Variants in KIF7 observed in about 807,000 individuals in gnomAD.
KIF7 encodes kinesin family member 7.
A neutral mutation model predicts 135.7 loss-of-function variants in KIF7; 104 were observed. The observed-to-expected ratio is 0.77, with a 90% CI of 0.65 to 0.90. The LOEUF (loss-of-function observed/expected upper bound fraction) is 0.90. KIF7 is among the 40% of genes least tolerant of loss of function. The pLI, the probability that KIF7 is intolerant of heterozygous loss-of-function variation, is 0.00. For synonymous variants in KIF7, 883 were observed against 809.4 expected (o/e 1.09, Z -1.54); for missense variants, 2,005 against 1,839.1 (o/e 1.09, Z -1.65).
intron 11 of KIF7, among the ~76,000 whole-genome samples, chr15:89,636,459 G>A (rs1445343819): frequency 5.0e-5 from 6 of 119,712 alleles, no homozygotes; most frequent in African/African-American, 1.7e-4. Context: ...ACACACATAG[G>A]CTCAAAATAA....
intron 15 of KIF7, chr15:89,630,701 G>T: frequency 1.6e-6 from 1 of 617,382 alleles, no homozygotes; most frequent in Admixed American, 2.6e-5. Context: ...CTCAGAGGTG[G>T]CCTGCTCAAC....
At chr15:89,617,769 G>A (rs1963359022) in intron 2 of KIF7, among the ~76,000 whole-genome samples, 1 of 148,120 alleles carries the variant, frequency 6.8e-6, no homozygotes, top group Non-Finnish European at 1.5e-5. Context: ...CTGGCTCACT[G>A]CAACGTCTGC....
intron 15 of KIF7, 92 bp from the exon 16 acceptor site, chr15:89,630,585 C>T (rs982551157): frequency 3.3e-5 from 37 of 1,121,898 alleles, no homozygotes; most frequent in Non-Finnish European, 4.7e-5. Flanking sequence ...GTAGCCACAA[C>T]TGGGCCTTAA....
Position 89,632,745 on chromosome 15 carries a change from C to G in KIF7, c.2895+75G>C. On this transcript the variant is annotated intron_variant, in intron 14 of 18. Transcript: ENST00000394412. ...AGAAACTTACTTGGCAGGAGCTCAC[C>G]TGGCAAGATCTGTCCTGGCTGGACC... is the stretch of plus-strand genomic sequence containing the variant. 4.0e-6 allele frequency: 6 copies of G among 1,508,052 alleles called. No homozygotes were observed. In the South Asian group the frequency reaches 7.1e-5, roughly 18 times the overall value. The allele number at this position is 1,508,052 out of a possible 1,614,324, so 93.4% of individuals were successfully genotyped here. A position where few individuals can be genotyped will look rare whatever the true frequency, so the allele number is the denominator to read the frequency against.
intron 7 of KIF7, 135 bp from the exon 8 acceptor site, chr15:89,646,161 G>T: frequency 8.7e-7 from 1 of 1,147,690 alleles, no homozygotes; most frequent in Non-Finnish European, 1.3e-6. Context: ...CCCTCTGGCA[G>T]CCTTCTGAAT....
chr15:89,648,905 C>A, intron 4 of KIF7, 69 bp downstream of exon 4: 9 of 1,467,080 alleles, frequency 6.1e-6, no homozygotes, highest in Non-Finnish European at 6.3e-6. Flanking sequence ...GCTTCCACCC[C>A]CACTGGTGTG....
At chr15:89,617,429 T>C (rs1963352851) in intron 2 of KIF7, among the ~76,000 whole-genome samples, 1 of 152,216 alleles carries the variant, frequency 6.6e-6, no homozygotes, top group Non-Finnish European at 1.5e-5. Flanking sequence ...TCTGATAGTT[T>C]GGTATAATTT....
chr15:89,633,805 C>G lies in KIF7; in HGVS notation c.2473G>C (p.Glu825Gln), dbSNP rs558861570. Residue 825 changes from glutamate (E) to glutamine (Q), a missense_variant, in exon 12 of 19, where the codon GAG (glutamate) becomes CAG (glutamine). Transcript: ENST00000394412. ...TGCCGCATGAGCTGCACGTTCCGCT[C>G]GAGCTCCTGCAGTCGCTTCTCACTC... ...AQSEKRLQEL[E>Q]RNVQLMRQQQ... is the part of the protein sequence containing the mutation. 1.2e-6 allele frequency: 2 copies of G among 1,612,770 alleles called. No homozygotes were observed. Among genetic ancestry groups the G allele is most frequent in the East Asian group, 2.2e-5 (1 of 44,876 alleles).
rs1432551035 is a variant in KIF7 at position 89,646,890 on chromosome 15, C to T, written c.1728G>A (p.Leu576=). ...APLGGAHAHV[L]GMVPPACLPG... is the part of the protein sequence containing the mutation. ...GGAGGCAGGCAGGCGGCACCATGCC[C>T]AGCACATGGGCGTGGGCACCCCCCA... The change falls in exon 7 of 19, where the codon CTG becomes CTA. Residue 576 remains leucine, a synonymous_variant. Coordinates refer to ENST00000394412, the MANE Select transcript of KIF7 (RefSeq NM_198525.3). 3 of 1,614,082 alleles carry T rather than the reference C, an allele frequency of 1.9e-6. No homozygotes were observed. The highest frequency in any genetic ancestry group is 2.5e-6 in the Non-Finnish European group (3 of 1,180,016).
intron 1 of KIF7, chr15:89,619,838 G>T (rs1043299851): frequency 1.2e-6 from 2 of 1,610,478 alleles, no homozygotes; most frequent in Admixed American, 3.4e-5. Flanking sequence ...AGCAAGATAA[G>T]TCAGGTAACA....
rs1436845524 is a variant in KIF7, at chr15:89,647,042, C to T, written c.1576G>A (p.Glu526Lys). Residue 526 changes from glutamate to lysine, a missense_variant, in exon 7 of 19, where the codon GAG (glutamate) becomes AAG (lysine). Glu to Lys is a moderately conservative substitution (Grantham distance 56). Coordinates refer to ENST00000394412, the MANE Select transcript of KIF7 (RefSeq NM_198525.3). Reference sequence around the variant, plus strand: ...AGTTCCACCATCTCCTCCTGCTGCTCACGCAGCCGGTCGCTCTGCAAGACA... The same window carrying T: ...AGTTCCACCATCTCCTCCTGCTGCTTACGCAGCCGGTCGCTCTGCAAGACA... ...QYKLQSDRLREQQEEMVELRL... is the reference protein window; with the variant it reads ...QYKLQSDRLRKQQEEMVELRL... 22 of 1,600,500 alleles carry T rather than the reference C, an allele frequency of 1.4e-5. 1 individual carries two copies. The Admixed American group carries it at 3.6e-4, about 26-fold the overall frequency.
chr15:89,619,836 A>C, intron 1 of KIF7: 4 of 1,611,136 alleles, frequency 2.5e-6, no homozygotes, highest in Non-Finnish European at 8.5e-7. Flanking sequence ...CCAGCAAGAT[A>C]AGTCAGGTAA....
Position 89,619,586 on chromosome 15 carries a change from T to C in KIF7, c.181-1391A>G, listed in dbSNP as rs572853237. The C allele has an allele frequency of 3.9e-6, 4 of 1,025,636 alleles. No individual in the cohort carries two copies. The African/African-American group carries it at 4.8e-5, about 12-fold the overall frequency. 63.5% of individuals were successfully genotyped at this position (1,025,636 alleles called of 1,614,324 possible). On this transcript the variant is annotated intron_variant and NMD_transcript_variant, in intron 1 of 2. Coordinates refer to the KIF7 transcript ENST00000558928. ...CACTTCAGAAGTCTCTTAAAGCTAATAGCTTGCTGAATTTCCATCTTATAT... is the reference window on the plus strand; with the variant it reads ...CACTTCAGAAGTCTCTTAAAGCTAACAGCTTGCTGAATTTCCATCTTATAT...
chr15:89,638,987 G>A (rs1301743549), intron 11 of KIF7, among the ~76,000 whole-genome samples: 3 of 151,858 alleles, frequency 2.0e-5, no homozygotes, highest in East Asian at 1.9e-4. Flanking sequence ...CAGAAATAAC[G>A]CCGCATATCT....
downstream of KIF7, chr15:89,624,441 C>T: frequency 6.2e-7 from 1 of 1,614,206 alleles, no homozygotes; most frequent in Non-Finnish European, 8.5e-7. Context: ...CTCCTCCACC[C>T]CCTTCTAAAG....
intron 1 of KIF7, 83 bp from the exon 2 acceptor site, chr15:89,653,037 C>A: frequency 1.9e-6 from 2 of 1,078,118 alleles, no homozygotes; most frequent in Non-Finnish European, 2.6e-6. Flanking sequence ...CGAGCCAGAT[C>A]CTGCAGCTCC....
rs3803531 is a variant in KIF7 at position 89,633,201 on chromosome 15, T to G, written c.2658A>C (p.Ala886=). 1,430,253 of 1,603,078 alleles carry G rather than the reference T, an allele frequency of 0.89. 641,161 individuals are homozygous for G. Among genetic ancestry groups the G allele is most frequent in the Non-Finnish European group, 0.92 (1,082,810 of 1,177,888 alleles). Residue 886 remains alanine, a synonymous_variant, in exon 13 of 19, where the codon GCA becomes GCC. Coordinates refer to ENST00000394412, the MANE Select transcript of KIF7 (RefSeq NM_198525.3). ...TGCCACTGCGCCTCTTCCTCTGGAA[T>G]GCCGCGATCTCTTCCGTCTTAATCT... ...ILKIKTEEIA[A]FQRKRRSGSN...
upstream of KIF7, among the ~76,000 whole-genome samples, chr15:89,657,334 G>GAC (rs1964218347): frequency 6.8e-6 from 1 of 147,788 alleles, no homozygotes; most frequent in Non-Finnish European, 1.5e-5. Flanking sequence ...AAAAAAGAGA[G>GAC]AGAGACAGAG....
rs141092892 is a variant in KIF7, at chr15:89,647,495, G to T, written c.1560+101C>A. 185 of 1,041,772 alleles carry T rather than the reference G, an allele frequency of 1.8e-4. 1 individual carries two copies. The African/African-American group carries it at 2.7e-3, about 15-fold the overall frequency. The allele number at this position is 1,041,772 out of a possible 1,614,324, so 64.5% of individuals were successfully genotyped here. Reference sequence around the variant, plus strand: ...CCTGACTCTACACCCCTACCCCGCAGTACCCTACCCTAACTCCCTCCCATC... The same window carrying T: ...CCTGACTCTACACCCCTACCCCGCATTACCCTACCCTAACTCCCTCCCATC... On this transcript the variant is annotated intron_variant, in intron 6 of 18. Transcript: ENST00000394412.
Sources: allele counts gnomAD v4.1 joint callset (sites outside exome capture counted in the v4.1 genomes callset), GRCh38; gene constraint gnomAD v4.1.1; transcripts MANE v1.5; gene names NCBI Gene and HGNC (gene_info 2026-07-23, HGNC 2026-07-21).